Variants in TAF2 observed in about 807,000 individuals in gnomAD.
The protein encoded by TAF2 is TATA-box binding protein associated factor 2.
A neutral mutation model predicts 138.5 loss-of-function variants in TAF2; 61 were observed. That is an observed-to-expected ratio of 0.44 (90% CI 0.36 to 0.54). The LOEUF is 0.54. Ranked by LOEUF, TAF2 falls within the 20% of genes least tolerant of loss-of-function variation. The pLI is 0.00. For synonymous variants in TAF2, 475 were observed against 469.9 expected, an observed-to-expected ratio of 1.01 and a Z score of -0.14; for missense variants, 1,090 against 1,427.9, an observed-to-expected ratio of 0.76 and a Z score of 3.81.
chr8:119,788,268 T>C (rs1823166541), intron 14 of TAF2, 70 bp downstream of exon 14: 1 of 1,403,558 alleles, frequency 7.1e-7, no homozygotes, highest in Non-Finnish European at 1.0e-6. Context: ...AAGAGAATTT[T>C]TATTTTGGCA....
chr8:119,824,631 G>T (rs1204180717), intron 2 of TAF2, among the ~76,000 whole-genome samples: 1 of 152,160 alleles, frequency 6.6e-6, no homozygotes, highest in Non-Finnish European at 1.5e-5. Flanking sequence ...GTGGTTTTGT[G>T]GGCCAGGCCC....
chr8:119,795,189 C>A (rs907462757), intron 9 of TAF2, among the ~76,000 whole-genome samples: 2 of 152,138 alleles, frequency 1.3e-5, no homozygotes, highest in African/African-American at 4.8e-5. Context: ...ACTACAATTG[C>A]CCTCCTTAAA....
At chr8:119,787,394 A>C (rs1823094249) in intron 14 of TAF2, among the ~76,000 whole-genome samples, 1 of 151,128 alleles carries the variant, frequency 6.6e-6, no homozygotes, top group South Asian at 2.1e-4. Flanking sequence ...ACAAACAAAC[A>C]AAAAAAAACC....
intron 19 of TAF2, among the ~76,000 whole-genome samples, chr8:119,761,365 T>C (rs753315023): frequency 3.9e-5 from 6 of 152,212 alleles, no homozygotes; most frequent in Non-Finnish European, 7.3e-5. Flanking sequence ...TGTGTAAATA[T>C]ATGCTGTGAC....
rs1242678803 is a variant in TAF2 at position 119,739,634 on chromosome 8, C to T, written c.3337+2900G>A. Among the ~76,000 whole-genome samples, 6 of 151,636 alleles carry T rather than the reference C, an allele frequency of 4.0e-5. No individual in the cohort carries two copies. The East Asian group carries it at 9.7e-4, about 25-fold the overall frequency. On this transcript the variant is annotated intron_variant, in intron 25 of 25. Transcript: ENST00000378164. ...ACACATTCCAGTTCTCAATTATCATCGGGCTCCTTGGCTCTAAGGGGGCCA... is the reference window on the plus strand; with the variant it reads ...ACACATTCCAGTTCTCAATTATCATTGGGCTCCTTGGCTCTAAGGGGGCCA...
chr8:119,826,660 G>A (rs1186707860), intron 2 of TAF2, among the ~76,000 whole-genome samples: 4 of 151,270 alleles, frequency 2.6e-5, no homozygotes, highest in East Asian at 1.9e-4. Flanking sequence ...GTGCGATTTC[G>A]GCTCGCTGGA....
At chr8:119,793,716 T>C (rs1586454626) in intron 9 of TAF2, among the ~76,000 whole-genome samples, 1 of 152,188 alleles carries the variant, frequency 6.6e-6, no homozygotes, top group Non-Finnish European at 1.5e-5. Context: ...CTTATGGCTG[T>C]TCTCAATCTC....
chr8:119,815,298 G>T (rs1456535767), intron 3 of TAF2, among the ~76,000 whole-genome samples: 5 of 151,214 alleles, frequency 3.3e-5, no homozygotes, highest in African/African-American at 1.2e-4. Flanking sequence ...TTTTTGAGAG[G>T]GAGTCTCACT....
chr8:119,772,403 A>C (rs1164596243), intron 18 of TAF2, among the ~76,000 whole-genome samples: 1 of 152,212 alleles, frequency 6.6e-6, no homozygotes, highest in East Asian at 1.9e-4. Flanking sequence ...AACAATGGGA[A>C]CACATGGACA....
intron 2 of TAF2, among the ~76,000 whole-genome samples, chr8:119,824,048 C>T (rs952039956): frequency 2.6e-5 from 4 of 152,078 alleles, no homozygotes; most frequent in African/African-American, 7.2e-5. Flanking sequence ...AGCAGTCAAG[C>T]GGTGACTTGG....
chr8:119,825,943 C>T (rs1290579157), intron 2 of TAF2, among the ~76,000 whole-genome samples: 3 of 151,694 alleles, frequency 2.0e-5, no homozygotes, highest in African/African-American at 4.8e-5. Context: ...CTGCCCGCCT[C>T]GGCCTCCCAA....
chr8:119,795,505 G>A (rs375738004), intron 9 of TAF2, 27 bp downstream of exon 9: 2 of 1,565,596 alleles, frequency 1.3e-6, no homozygotes, highest in Non-Finnish European at 8.8e-7. Context: ...AGACTTGTAA[G>A]TGGATAAGGG....
chr8:119,767,646 G>A (rs1021688649), intron 18 of TAF2, among the ~76,000 whole-genome samples: 1 of 152,214 alleles, frequency 6.6e-6, no homozygotes, highest in African/African-American at 2.4e-5. Flanking sequence ...ACCAGGGAAG[G>A]AGCAGGCAGA....
At chr8:119,764,512 A>G (rs1278808875) in intron 18 of TAF2, among the ~76,000 whole-genome samples, 1 of 152,248 alleles carries the variant, frequency 6.6e-6, no homozygotes, top group East Asian at 1.9e-4. Flanking sequence ...CATGCTGTAA[A>G]GTAACATGGT....
chr8:119,797,158 A>G (rs1823885921), intron 7 of TAF2, 55 bp from the exon 8 acceptor site: 2 of 1,221,310 alleles, frequency 1.6e-6, no homozygotes. Context: ...ATACTTATTC[A>G]GTGAAAATAA....
At chr8:119,739,015 T>A in intron 25 of TAF2, among the ~76,000 whole-genome samples, 1 of 116,900 alleles carries the variant, frequency 8.6e-6, no homozygotes, top group South Asian at 2.3e-4. Flanking sequence ...AAGAAGTTTT[T>A]TTTTTTTTTT....
chr8:119,766,619 G>A (rs907209368), intron 18 of TAF2, among the ~76,000 whole-genome samples: 11 of 152,068 alleles, frequency 7.2e-5, no homozygotes, highest in African/African-American at 2.2e-4. Context: ...GTGAAACCCT[G>A]TCTCCACTAA....
intron 3 of TAF2, among the ~76,000 whole-genome samples, chr8:119,812,751 GTA>G (rs768473614): frequency 0.023 from 1,984 of 86,548 alleles, 18 homozygotes; most frequent in Middle Eastern, 0.063. Flanking sequence ...GTGTGTGTGT[GTA>G]TATATGTGTG....
rs2131159087 is a variant in TAF2 at position 119,788,330 on chromosome 8, A to C, written c.1793+8T>G. ...ACTTTCAATTTATAGTTATTATGTA[A>C]TGCCTACCTTCTACTTTTGGAATGG... On this transcript the variant is annotated splice_region_variant and intron_variant, in intron 14 of 25. Coordinates refer to ENST00000378164, the MANE Select transcript of TAF2 (RefSeq NM_003184.4). 6.2e-7 allele frequency: 1 copy of C among 1,603,740 alleles called. No individual in the cohort carries two copies. Among genetic ancestry groups the C allele is most frequent in the African/African-American group, 1.3e-5 (1 of 74,862 alleles).
Sources: allele counts gnomAD v4.1 joint callset (sites outside exome capture counted in the v4.1 genomes callset), GRCh38; gene constraint gnomAD v4.1.1; transcripts MANE v1.5; gene names NCBI Gene and HGNC (gene_info 2026-07-23, HGNC 2026-07-21).